The following CFAP44 variants were observed in gnomAD, a reference collection of about 807,000 sequenced individuals.
CFAP44 encodes cilia and flagella associated protein 44, also known as cilia- and flagella-associated protein 44.
Under a neutral mutation model 216.2 loss-of-function variants are expected in CFAP44, and 134 were observed. The observed-to-expected ratio is 0.62, with a 90% CI of 0.54 to 0.72. CFAP44 has a LOEUF of 0.72. Among genes scored for constraint, CFAP44 ranks in the 30% least tolerant of loss-of-function variants. The pLI, the probability that CFAP44 is intolerant of heterozygous loss-of-function variation, is 0.00. For synonymous variants in CFAP44, 700 were observed against 727.6 expected (o/e 0.96, Z 0.61); for missense variants, 2,035 against 2,182.1 (o/e 0.93, Z 1.34).
rs533996695 is a variant in CFAP44, at chr3:113,289,528, A to T, written c.*2029T>A. On this transcript the variant is annotated 3_prime_UTR_variant, in exon 35 of 35. Transcript: ENST00000393845. The stretch of plus-strand genomic sequence containing the variant: ...ACGTAACTTCTCCTGATTCTCTACA[A>T]TTACCAAGGGGATGGTATCGCCTCA... 6.6e-6 allele frequency: 1 copy of T among 152,276 alleles called. No individual in the cohort carries two copies. The highest frequency in any genetic ancestry group is 2.1e-4 in the South Asian group (1 of 4,818). The allele number at this position is 152,276 out of a possible 1,614,324, so 9.4% of individuals were successfully genotyped here. A position where few individuals can be genotyped will look rare whatever the true frequency, so the allele number is the denominator to read the frequency against.
intron 4 of CFAP44, among the ~76,000 whole-genome samples, chr3:113,423,145 C>T (rs1339924750): frequency 1.7e-5 from 2 of 115,472 alleles, no homozygotes; most frequent in Non-Finnish European, 3.3e-5. Context: ...GATGGGGTCT[C>T]ACTTTGTCAC....
chr3:113,306,169 G>T, intron 30 of CFAP44, 32 bp downstream of exon 30: 2 of 1,525,470 alleles, frequency 1.3e-6, no homozygotes, highest in South Asian at 2.5e-5. Context: ...GTAGCATTTT[G>T]AGAGGATAAA....
chr3:113,349,601 C>A (rs541230548), intron 22 of CFAP44, among the ~76,000 whole-genome samples: 2 of 152,296 alleles, frequency 1.3e-5, no homozygotes, highest in East Asian at 3.9e-4. Flanking sequence ...TTGCCCATGT[C>A]CACTATCCCG....
intron 2 of CFAP44, among the ~76,000 whole-genome samples, chr3:113,428,468 T>C (rs66866534): frequency 0.11 from 17,291 of 152,296 alleles, 1,083 homozygotes; most frequent in Non-Finnish European, 0.15. Flanking sequence ...TAAATCAAGC[T>C]GGCAAATCAA....
At chr3:113,438,019 TTGAC>T (rs1437036281) in intron 1 of CFAP44, among the ~76,000 whole-genome samples, 1 of 152,212 alleles carries the variant, frequency 6.6e-6, no homozygotes, top group East Asian at 1.9e-4. Context: ...GTTCTCAACT[TTGAC>T]TGCACTTTGC....
In CFAP44 at chr3:113,395,818, A is replaced by T; in HGVS notation, c.1822T>A (p.Tyr608Asn). 1 of 1,614,016 alleles carries T rather than the reference A, an allele frequency of 6.2e-7. No homozygotes were observed. The highest frequency in any genetic ancestry group is 8.5e-7 in the Non-Finnish European group (1 of 1,179,932). The change falls in exon 15 of 35, where the codon TAT (tyrosine) becomes AAT (asparagine). Residue 608 changes from tyrosine to asparagine, a missense_variant. Tyr to Asn is a moderately radical substitution (Grantham distance 143, BLOSUM62 -2). Transcript: ENST00000393845. Reference sequence around the variant, plus strand: ...GTATTAATATAACCAATCGGCTTATAATCCCTTTCCACTTCAAAGAAGAAA... The same window carrying T: ...GTATTAATATAACCAATCGGCTTATTATCCCTTTCCACTTCAAAGAAGAAA... ...TVFFFEVERD[Y>N]KPIGYINTPG...
rs763784285 is a variant in CFAP44 at position 113,366,175 on chromosome 3, C to T, written c.2579G>A (p.Cys860Tyr). 1.9e-6 allele frequency: 3 copies of T among 1,614,056 alleles called. No individual in the cohort carries two copies. The highest frequency in any genetic ancestry group is 2.7e-5 in the African/African-American group (2 of 75,010). The change falls in exon 19 of 35, where the codon TGT becomes TAT. Residue 860 changes from cysteine to tyrosine, a missense_variant. Around this residue, in one of 3 missense-constraint regions of CFAP44, gnomAD observed 1,883 missense variants for 2,023.7 expected, o/e 0.93. Transcript: ENST00000393845. The part of the protein sequence containing the change: ...HFNMHDNNYG[C>Y]IKSIANSFDD... ...AAAGCTATTAGCAATACTTTTAATA[C>T]ATCCATAATTATTGTCATGCATATT...
chr3:113,359,540 A>G (rs1950519039), intron 21 of CFAP44, among the ~76,000 whole-genome samples: 2 of 152,160 alleles, frequency 1.3e-5, no homozygotes, highest in African/African-American at 4.8e-5. Context: ...TTTATTACCC[A>G]TGCTCTGGAA....
chr3:113,296,241 T>C, intron 33 of CFAP44, among the ~76,000 whole-genome samples: 1 of 152,232 alleles, frequency 6.6e-6, no homozygotes, highest in Non-Finnish European at 1.5e-5. Flanking sequence ...TTTTTATGGC[T>C]GCGTAGTAAT....
chr3:113,308,666 C>T (rs953293659), intron 28 of CFAP44, among the ~76,000 whole-genome samples: 4 of 152,022 alleles, frequency 2.6e-5, no homozygotes, highest in African/African-American at 9.7e-5. Flanking sequence ...TCTTGGCTGA[C>T]TGCAACCTTC....
rs574665268 is a variant in CFAP44 at position 113,425,305 on chromosome 3, C to T, written c.407+819G>A. Among the ~76,000 whole-genome samples the T allele has an allele frequency of 1.1e-3, 173 of 152,288 alleles. 1 individual carries two copies. Among genetic ancestry groups the T allele is most frequent in the South Asian group, 2.1e-3 (10 of 4,824 alleles). On this transcript the variant is annotated intron_variant, in intron 4 of 34. Transcript: ENST00000393845. The stretch of plus-strand genomic sequence containing the variant: ...AGAGGCCAGTTGGTGGTTTAGGCCA[C>T]GTGGTGATAAGTACTAACTATCCAA...
intron 22 of CFAP44, among the ~76,000 whole-genome samples, chr3:113,356,802 A>G (rs557360017): frequency 6.6e-6 from 1 of 152,346 alleles, no homozygotes; most frequent in East Asian, 1.9e-4. Flanking sequence ...AAAGACTAAT[A>G]AGTTGAACTT....
chr3:113,354,406 C>G (rs1950475668), intron 22 of CFAP44, among the ~76,000 whole-genome samples: 1 of 152,190 alleles, frequency 6.6e-6, no homozygotes, highest in Non-Finnish European at 1.5e-5. Context: ...GTTCTCAGCC[C>G]TGCTCAGCAG....
chr3:113,417,861 ATATC>A (rs1281868120), intron 5 of CFAP44, among the ~76,000 whole-genome samples: 1 of 152,184 alleles, frequency 6.6e-6, no homozygotes, highest in Non-Finnish European at 1.5e-5. Context: ...GATTAAGACC[ATATC>A]TATCTAGATT....
chr3:113,354,031 C>T (rs751712962), intron 22 of CFAP44, among the ~76,000 whole-genome samples: 2 of 151,690 alleles, frequency 1.3e-5, no homozygotes, highest in Non-Finnish European at 2.9e-5. Flanking sequence ...AAAAAATTAG[C>T]CCTAGACTAA....
At chr3:113,362,843 T>C in intron 21 of CFAP44, 3 of 1,121,984 alleles carry the variant, frequency 2.7e-6, no homozygotes, top group Non-Finnish European at 3.3e-6. Flanking sequence ...CATGTCTCTA[T>C]AAAAGAAAAC....
In CFAP44 at chr3:113,387,784, T is replaced by C. The variant is rs562387728; in HGVS notation, c.1891-6724A>G. 2.0e-5 allele frequency among the ~76,000 whole-genome samples: 3 copies of C among 152,110 alleles called. No individual in the cohort carries two copies. The South Asian group carries it at 6.2e-4, about 32-fold the overall frequency. On this transcript the variant is annotated intron_variant, in intron 15 of 34. Transcript: ENST00000393845. ...TTCAAGCCTTAGCTCTTGGACACCA[T>C]TTCTGGTCCTGGGCCAGAGGAAAGC... is the stretch of plus-strand genomic sequence containing the variant.
rs1949819632 is a variant in CFAP44 at position 113,290,588 on chromosome 3, T to C, written c.*969A>G. 6.6e-6 allele frequency: 1 copy of C among 152,220 alleles called. No individual in the cohort carries two copies. The highest frequency in any genetic ancestry group is 1.5e-5 in the Non-Finnish European group (1 of 68,042). 9.4% of individuals were successfully genotyped at this position (152,220 alleles called of 1,614,324 possible). On this transcript the variant is annotated 3_prime_UTR_variant, in exon 35 of 35. Transcript: ENST00000393845. Reference sequence around the variant, plus strand: ...ACAGGATTCCAAATGTCAGTGAGATTATCCTGCAATGGTTATAGCCATGAA... The same window carrying C: ...ACAGGATTCCAAATGTCAGTGAGATCATCCTGCAATGGTTATAGCCATGAA...
chr3:113,293,823 G>A, intron 34 of CFAP44: 1 of 287,720 alleles, frequency 3.5e-6, no homozygotes, highest in South Asian at 3.3e-5. Flanking sequence ...TGGGACTTTT[G>A]TTTAGACCAG....
Sources: allele counts gnomAD v4.1 joint callset (sites outside exome capture counted in the v4.1 genomes callset), GRCh38; gene constraint gnomAD v4.1.1; regional missense constraint gnomAD v4.1.1; transcripts MANE v1.5; gene names NCBI Gene and HGNC (gene_info 2026-07-23, HGNC 2026-07-21).